Variants in CAST observed in about 807,000 individuals in gnomAD.
The protein encoded by CAST is calpastatin, also known as MIR583 host.
CAST carries 76 observed loss-of-function variants against 119.6 expected under a neutral mutation model. The ratio of observed to expected loss-of-function variants is 0.64; its 90% CI spans 0.53 to 0.77. The LOEUF is 0.77. Ranked by LOEUF, CAST falls within the 30% of genes least tolerant of loss-of-function variation. The pLI is 0.00. For synonymous variants in CAST, 319 were observed against 331.6 expected, an observed-to-expected ratio of 0.96 and a Z score of 0.41; for missense variants, 953 against 946.5, an observed-to-expected ratio of 1.01 and a Z score of -0.09.
At chr5:96,383,546 A>G in the CAST span, among the ~76,000 whole-genome samples, 2 of 152,212 alleles carry the variant, frequency 1.3e-5, no homozygotes, top group Admixed American at 1.3e-4. Flanking sequence ...TCCCAGGTTC[A>G]AGCAATTCTC....
chr5:96,696,142 T>G (rs1032428915), intron 3 of CAST: 1 of 262,320 alleles, frequency 3.8e-6, no homozygotes, highest in African/African-American at 2.2e-5. Flanking sequence ...AAGCGTTAAA[T>G]AAATATTAAT....
At chr5:96,554,974 C>A (rs186067141) in intron 1 of CAST, among the ~76,000 whole-genome samples, 44 of 152,256 alleles carry the variant, frequency 2.9e-4, no homozygotes, top group African/African-American at 9.1e-4. Context: ...ATTAGTTCAA[C>A]CGTTGTGGAA....
intron 1 of CAST, among the ~76,000 whole-genome samples, chr5:96,564,292 C>G (rs185530743): frequency 6.6e-6 from 1 of 152,266 alleles, no homozygotes; most frequent in East Asian, 1.9e-4. Flanking sequence ...TTTGGAATTA[C>G]AACAGATGAA....
the CAST span, among the ~76,000 whole-genome samples, chr5:96,410,333 T>A: frequency 1.3e-5 from 2 of 152,106 alleles, no homozygotes; most frequent in South Asian, 4.1e-4. Context: ...TTAGGAGACA[T>A]AGCTGGTGTA....
the CAST span, among the ~76,000 whole-genome samples, chr5:96,317,006 C>T: frequency 6.6e-6 from 1 of 151,760 alleles, no homozygotes; most frequent in Non-Finnish European, 1.5e-5. Flanking sequence ...GTTCTTGGTA[C>T]CTAAAGAGAG....
intron 1 of CAST, among the ~76,000 whole-genome samples, chr5:96,610,715 G>T (rs1331207539): frequency 6.6e-5 from 10 of 152,190 alleles, no homozygotes; most frequent in Admixed American, 6.5e-4. Context: ...AATAGTAAAA[G>T]AGGAAGTCAA....
the CAST span, among the ~76,000 whole-genome samples, chr5:96,445,140 C>T: frequency 6.6e-6 from 1 of 152,186 alleles, no homozygotes; most frequent in Non-Finnish European, 1.5e-5. Flanking sequence ...CACTTAGTTC[C>T]GTGTTTCAGT....
chr5:96,498,497 G>T, the CAST span, among the ~76,000 whole-genome samples: 1 of 152,306 alleles, frequency 6.6e-6, no homozygotes, highest in East Asian at 1.9e-4. Flanking sequence ...ACTCCAATTA[G>T]CTACTTAGCT....
At chr5:96,519,328 CACCA>C in the CAST span, among the ~76,000 whole-genome samples, 1 of 152,312 alleles carries the variant, frequency 6.6e-6, no homozygotes, top group South Asian at 2.1e-4. Context: ...TAGAGGCTGG[CACCA>C]AGCAAATATG....
At chr5:96,286,614 T>G in the CAST span, among the ~76,000 whole-genome samples, 413 of 152,272 alleles carry the variant, frequency 2.7e-3, 1 homozygote, top group African/African-American at 9.6e-3. Context: ...TTTTCCTAAG[T>G]TTTTTTCTCC....
the CAST span, among the ~76,000 whole-genome samples, chr5:95,970,668 C>A: frequency 6.6e-6 from 1 of 152,180 alleles, no homozygotes; most frequent in African/African-American, 2.4e-5. Flanking sequence ...ATTGTCATAG[C>A]AAATGAACTT....
intron 1 of CAST, among the ~76,000 whole-genome samples, chr5:96,594,214 T>C (rs1354614250): frequency 5.3e-5 from 8 of 152,246 alleles, no homozygotes; most frequent in Non-Finnish European, 1.2e-4. Context: ...CTCTCGTTTT[T>C]TCCACCTCTT....
intron 11 of CAST, among the ~76,000 whole-genome samples, chr5:96,738,182 C>T (rs1214408658): frequency 6.6e-6 from 1 of 152,044 alleles, no homozygotes; most frequent in East Asian, 1.9e-4. Context: ...ATTAGCTGGG[C>T]ATGGTGGTAC....
the CAST span, among the ~76,000 whole-genome samples, chr5:96,376,593 A>T: frequency 1.3e-5 from 2 of 152,012 alleles, no homozygotes; most frequent in South Asian, 2.1e-4. Context: ...GGCATGCACC[A>T]CTATGCCTGG....
chr5:96,752,330 A>G (rs999472529), intron 20 of CAST, among the ~76,000 whole-genome samples: 2 of 152,214 alleles, frequency 1.3e-5, no homozygotes, highest in African/African-American at 4.8e-5. Flanking sequence ...CAAAGGGCAC[A>G]GGTTTGGGGA....
At chr5:96,507,998 T>TTAG in the CAST span, among the ~76,000 whole-genome samples, 1 of 61,808 alleles carries the variant, frequency 1.6e-5, no homozygotes, top group Non-Finnish European at 3.9e-5. Context: ...GACATTATTA[T>TTAG]TATTATTATT....
At chr5:96,414,450 G>A in the CAST span, among the ~76,000 whole-genome samples, 1 of 152,188 alleles carries the variant, frequency 6.6e-6, no homozygotes, top group African/African-American at 2.4e-5. Context: ...GCCAGAATTT[G>A]AACCCTACAA....
chr5:96,667,206 T>C (rs1749451202), intron 1 of CAST, among the ~76,000 whole-genome samples: 1 of 152,230 alleles, frequency 6.6e-6, no homozygotes, highest in African/African-American at 2.4e-5. Context: ...TTCCTAAAAA[T>C]GTATGAAATT....
At chr5:95,988,138 T>C in the CAST span, among the ~76,000 whole-genome samples, 1 of 152,204 alleles carries the variant, frequency 6.6e-6, no homozygotes, top group Non-Finnish European at 1.5e-5. Context: ...GAATCATCCC[T>C]TGTGTGGAGA....
Sources: allele counts gnomAD v4.1 joint callset (sites outside exome capture counted in the v4.1 genomes callset), GRCh38; gene constraint gnomAD v4.1.1; transcripts MANE v1.5; gene names NCBI Gene and HGNC (gene_info 2026-07-23, HGNC 2026-07-21).